The following RABGEF1 variants were observed in gnomAD, a reference collection of about 807,000 sequenced individuals.
RABGEF1 encodes RAB guanine nucleotide exchange factor 1, also known as rab5 GDP/GTP exchange factor.
Under a neutral mutation model 57.3 loss-of-function variants are expected in RABGEF1, and 26 were observed. The observed-to-expected ratio is 0.45, with a 90% CI of 0.33 to 0.63. RABGEF1 has a LOEUF of 0.63. RABGEF1 is among the 20% of genes least tolerant of loss of function. The pLI is 0.02. For synonymous variants in RABGEF1, 185 were observed against 210.7 expected, an observed-to-expected ratio of 0.88 and a Z score of 1.06; for missense variants, 464 against 607.6, an observed-to-expected ratio of 0.76 and a Z score of 2.48.
chr7:66,732,033 C>T (rs1191869743), intron 2 of RABGEF1, among the ~76,000 whole-genome samples: 2 of 152,186 alleles, frequency 1.3e-5, no homozygotes, highest in Non-Finnish European at 2.9e-5. Context: ...GCCAGTCAGC[C>T]GCCTGCGGGC....
At chr7:66,774,142 C>A (rs144438108) in intron 2 of RABGEF1, among the ~76,000 whole-genome samples, 161 of 152,350 alleles carry the variant, frequency 1.1e-3, no homozygotes, top group African/African-American at 3.6e-3. Flanking sequence ...TTCTTGATTT[C>A]TCTTTTATCT....
chr7:66,780,890 T>C (rs182634323), intron 3 of RABGEF1, among the ~76,000 whole-genome samples: 9 of 152,324 alleles, frequency 5.9e-5, no homozygotes, highest in African/African-American at 1.9e-4. Context: ...CAGAGTATGC[T>C]TTTCCTTTCA....
At chr7:66,708,003 T>A (rs1217532753) in intron 1 of RABGEF1, among the ~76,000 whole-genome samples, 1 of 152,212 alleles carries the variant, frequency 6.6e-6, no homozygotes, top group Non-Finnish European at 1.5e-5. Context: ...TTGTGTTTTT[T>A]AATCCATTCT....
the RABGEF1 span, among the ~76,000 whole-genome samples, chr7:66,661,988 G>A: frequency 8.5e-5 from 13 of 152,314 alleles, no homozygotes; most frequent in East Asian, 1.9e-3. Flanking sequence ...GGTGGCCCAC[G>A]CCTGTAATCT....
At chr7:66,671,595 C>G in the RABGEF1 span, among the ~76,000 whole-genome samples, 1 of 152,088 alleles carries the variant, frequency 6.6e-6, no homozygotes, top group Non-Finnish European at 1.5e-5. Context: ...CAAGGAAAGT[C>G]TTTTTTAAAA....
At chr7:66,749,126 T>C (rs1294612861) in intron 1 of RABGEF1, 1 of 152,664 alleles carries the variant, frequency 6.6e-6, no homozygotes, top group African/African-American at 2.4e-5. Flanking sequence ...AGAGATGGGC[T>C]GAGGGAATAC....
chr7:66,655,513 C>CT, the RABGEF1 span, among the ~76,000 whole-genome samples: 1 of 152,182 alleles, frequency 6.6e-6, no homozygotes, highest in Admixed American at 6.5e-5. Context: ...CTTTCCCCCC[C>CT]TAAACCTAGA....
chr7:66,696,468 T>C (rs1330111622), intron 1 of RABGEF1, among the ~76,000 whole-genome samples: 1 of 151,856 alleles, frequency 6.6e-6, no homozygotes, highest in Non-Finnish European at 1.5e-5. Context: ...GGGAGGTGGA[T>C]CACTCGAGGT....
intron 1 of RABGEF1, among the ~76,000 whole-genome samples, chr7:66,758,042 C>G (rs1032818623): frequency 6.6e-6 from 1 of 152,024 alleles, no homozygotes; most frequent in Admixed American, 6.6e-5. Context: ...TAACTGAGGT[C>G]AAAGGATACC....
chr7:66,733,561 T>G (rs935957559), intron 2 of RABGEF1, among the ~76,000 whole-genome samples: 3 of 152,106 alleles, frequency 2.0e-5, no homozygotes, highest in African/African-American at 7.2e-5. Flanking sequence ...AGCTGGGCAT[T>G]GCAGCGCATT....
intron 1 of RABGEF1, among the ~76,000 whole-genome samples, chr7:66,698,811 A>C (rs1274225231): frequency 6.6e-6 from 1 of 151,750 alleles, no homozygotes; most frequent in African/African-American, 2.4e-5. Flanking sequence ...CGGGAGTTTC[A>C]CTCCTGACTC....
chr7:66,808,678 C>T (rs955181966), intron 8 of RABGEF1, among the ~76,000 whole-genome samples: 4 of 152,110 alleles, frequency 2.6e-5, no homozygotes, highest in African/African-American at 7.2e-5. Flanking sequence ...ACCCAGACAT[C>T]GGCCCTGGAG....
At chr7:66,713,022 T>C (rs1450050034) in intron 2 of RABGEF1, among the ~76,000 whole-genome samples, 2 of 150,968 alleles carry the variant, frequency 1.3e-5, no homozygotes, top group Non-Finnish European at 3.0e-5. Flanking sequence ...GCTTTGTTGA[T>C]AGGGCTGGTC....
At chr7:66,742,100 G>A (rs565699317) in intron 1 of RABGEF1, among the ~76,000 whole-genome samples, 12 of 151,818 alleles carry the variant, frequency 7.9e-5, no homozygotes, top group Non-Finnish European at 1.0e-4. Context: ...GCAGTGAGCC[G>A]AAATCGTGCC....
chr7:66,808,254 C>T (rs1285720932), intron 8 of RABGEF1, among the ~76,000 whole-genome samples: 2 of 150,620 alleles, frequency 1.3e-5, no homozygotes, highest in African/African-American at 4.9e-5. Flanking sequence ...CTTGCTCTGT[C>T]ACCCAGGCTG....
chr7:66,718,309 C>T lies in RABGEF1; in HGVS notation c.-815+6085C>T, dbSNP rs190500374. Among the ~76,000 whole-genome samples, 93 of 152,258 alleles carry T rather than the reference C, an allele frequency of 6.1e-4. 2 individuals carry two copies. In the South Asian group the frequency reaches 0.012, roughly 20 times the overall value. ...GCAGTGAGCTGAGAACATGCCACTG[C>T]ACACTCCAGCCTGGGTGACAGAGCA... is the stretch of plus-strand genomic sequence containing the variant. On this transcript the variant is annotated intron_variant and NMD_transcript_variant, in intron 2 of 9. Coordinates refer to the RABGEF1 transcript ENST00000607882.
chr7:66,757,737 G>A (rs1033348745), intron 1 of RABGEF1, among the ~76,000 whole-genome samples: 2 of 152,130 alleles, frequency 1.3e-5, no homozygotes, highest in African/African-American at 4.8e-5. Context: ...TCAGCCTCCT[G>A]AGTAGCTGGG....
chr7:66,663,047 G>T, the RABGEF1 span, among the ~76,000 whole-genome samples: 3 of 152,240 alleles, frequency 2.0e-5, no homozygotes, highest in African/African-American at 7.2e-5. Context: ...CACCTGGCCC[G>T]CCCAGGGCGG....
chr7:66,757,506 G>C (rs1286078925), intron 1 of RABGEF1, among the ~76,000 whole-genome samples: 2 of 152,198 alleles, frequency 1.3e-5, no homozygotes, highest in Admixed American at 1.3e-4. Flanking sequence ...TGTATCCCAA[G>C]TGCCTTTCGT....
Sources: allele counts gnomAD v4.1 joint callset (sites outside exome capture counted in the v4.1 genomes callset), GRCh38; gene constraint gnomAD v4.1.1; transcripts MANE v1.5; gene names NCBI Gene and HGNC (gene_info 2026-07-23, HGNC 2026-07-21).